Variants in FYB1 observed in about 807,000 individuals in gnomAD.
FYB1 encodes the protein FYN-binding protein 1.
A neutral mutation model predicts 94.1 loss-of-function variants in FYB1; 41 were observed. The ratio of observed to expected loss-of-function variants is 0.44; its 90% CI spans 0.34 to 0.57. The LOEUF (loss-of-function observed/expected upper bound fraction) is 0.57, where lower values mean the gene tolerates loss of function less well. Among genes scored for constraint, FYB1 ranks in the 20% least tolerant of loss-of-function variants. The pLI is 0.02. For missense variants in FYB1, 1,050 were observed against 976.8 expected (o/e 1.07, Z -1.00); for synonymous variants, 367 against 353.2 (o/e 1.04, Z -0.44).
intron 2 of FYB1, among the ~76,000 whole-genome samples, chr5:39,159,329 C>A (rs2150371027): frequency 6.6e-6 from 1 of 152,286 alleles, no homozygotes; most frequent in East Asian, 1.9e-4. Flanking sequence ...AGAAGAAAAG[C>A]TCTAGCAACT....
chr5:39,272,531 G>T (rs1357722453), intron 1 of FYB1, among the ~76,000 whole-genome samples: 3 of 151,294 alleles, frequency 2.0e-5, no homozygotes, highest in Non-Finnish European at 4.4e-5. Context: ...AATTAGCTGG[G>T]CCTAGTGGCG....
intron 5 of FYB1, chr5:39,138,928 A>AT (rs146717945): frequency 0.019 from 10,711 of 563,946 alleles, 901 homozygotes; most frequent in African/African-American, 0.18. Flanking sequence ...TATTTAAAAT[A>AT]TTTTTTTTCT....
At chr5:39,237,862 A>G (rs1349738133) in intron 1 of FYB1, among the ~76,000 whole-genome samples, 2 of 152,116 alleles carry the variant, frequency 1.3e-5, no homozygotes, top group Admixed American at 6.6e-5. Flanking sequence ...TATTTGGCTA[A>G]AGCATCACTC....
At chr5:39,137,548 G>A in intron 7 of FYB1, 52 bp downstream of exon 7, 1 of 1,509,496 alleles carries the variant, frequency 6.6e-7, no homozygotes, top group Non-Finnish European at 8.8e-7. Flanking sequence ...CCTTTTGTGT[G>A]AAAGGTATAA....
chr5:39,206,781 T>C (rs1467704497), intron 1 of FYB1, among the ~76,000 whole-genome samples: 1 of 152,224 alleles, frequency 6.6e-6, no homozygotes, highest in Non-Finnish European at 1.5e-5. Flanking sequence ...TGTATGTTGC[T>C]AACCGGTGCA....
chr5:39,264,562 T>A (rs1033652185), intron 1 of FYB1, among the ~76,000 whole-genome samples: 2 of 152,170 alleles, frequency 1.3e-5, no homozygotes, highest in African/African-American at 2.4e-5. Flanking sequence ...TCTCCAGCCA[T>A]CCTGGTCTTT....
intron 14 of FYB1, among the ~76,000 whole-genome samples, 166 bp downstream of exon 14, chr5:39,122,169 AG>A (rs1740181124): frequency 1.3e-5 from 2 of 152,120 alleles, no homozygotes; most frequent in Admixed American, 1.3e-4. Flanking sequence ...CAAACCTCGC[AG>A]GGAGGGTAGA....
intron 2 of FYB1, among the ~76,000 whole-genome samples, chr5:39,191,577 A>G (rs1196702798): frequency 6.6e-6 from 1 of 152,150 alleles, no homozygotes; most frequent in Non-Finnish European, 1.5e-5. Context: ...TCTACCTTTG[A>G]TATGCCAGAC....
chr5:39,178,960 G>A lies in FYB1; in HGVS notation c.1135+22866C>T, dbSNP rs115386987. 5.2e-3 allele frequency among the ~76,000 whole-genome samples: 785 copies of A among 152,234 alleles called. 6 individuals carry two copies. Among genetic ancestry groups the A allele is most frequent in the African/African-American group, 0.018 (759 of 41,520 alleles). ...ATCTTCTATCTAGCCCTGGCTTTCC[G>A]CGGGCTGGGGCACAGAAGAGTCCAT... On this transcript the variant is annotated intron_variant, in intron 2 of 18. Transcript: ENST00000512982.
At chr5:39,154,746 G>A (rs563277611) in intron 2 of FYB1, among the ~76,000 whole-genome samples, 20 of 151,696 alleles carry the variant, frequency 1.3e-4, no homozygotes, top group Non-Finnish European at 2.2e-4. Flanking sequence ...CATGCCCGCC[G>A]CTGTGCCCAT....
At chr5:39,243,611 C>G (rs558596260) in intron 1 of FYB1, among the ~76,000 whole-genome samples, 4 of 152,222 alleles carry the variant, frequency 2.6e-5, no homozygotes, top group African/African-American at 9.6e-5. Context: ...TTAGGATTGT[C>G]TTGGCAATGC....
chr5:39,176,313 G>A (rs1343595075), intron 2 of FYB1, among the ~76,000 whole-genome samples: 7 of 151,630 alleles, frequency 4.6e-5, no homozygotes. Context: ...ACCAGGCCCA[G>A]CTCATTTTTG....
rs116753884 is a variant in FYB1, at chr5:39,163,381, T to C, written c.1136-9777A>G. Among the ~76,000 whole-genome samples the C allele has an allele frequency of 2.2e-3, 332 of 152,312 alleles. 3 individuals are homozygous for C. Among genetic ancestry groups the C allele is most frequent in the African/African-American group, 7.2e-3 (301 of 41,576 alleles). ...TAATACTGAAACATCAATGTTTACA[T>C]AGATAATCAAAGCTGAAATTAGAAT... On this transcript the variant is annotated intron_variant, in intron 2 of 18. Coordinates refer to ENST00000512982, the MANE Select transcript of FYB1 (RefSeq NM_001465.6).
At chr5:39,112,556 C>A (rs908246501) in intron 16 of FYB1, among the ~76,000 whole-genome samples, 25 of 152,086 alleles carry the variant, frequency 1.6e-4, no homozygotes, top group African/African-American at 4.3e-4. Context: ...AATGTAATCA[C>A]CATTTTTAGA....
At chr5:39,170,729 A>G (rs1580451792) in intron 2 of FYB1, among the ~76,000 whole-genome samples, 1 of 152,142 alleles carries the variant, frequency 6.6e-6, no homozygotes, top group Admixed American at 6.5e-5. Flanking sequence ...TTATGGCTCC[A>G]ATTTCAATGT....
intron 1 of FYB1, among the ~76,000 whole-genome samples, chr5:39,215,711 C>T (rs1176228052): frequency 6.6e-6 from 1 of 152,154 alleles, no homozygotes; most frequent in Non-Finnish European, 1.5e-5. Context: ...ATTGGGGCAC[C>T]TTTTGGTGGA....
intron 16 of FYB1, among the ~76,000 whole-genome samples, chr5:39,117,192 C>G (rs1739654143): frequency 6.6e-6 from 1 of 152,028 alleles, no homozygotes; most frequent in Admixed American, 6.6e-5. Flanking sequence ...TTAAGTTTAG[C>G]TTCTCTTCTT....
At chr5:39,168,501 TG>T (rs1744943989) in intron 2 of FYB1, among the ~76,000 whole-genome samples, 1 of 152,212 alleles carries the variant, frequency 6.6e-6, no homozygotes, top group South Asian at 2.1e-4. Flanking sequence ...CCAAAGACCT[TG>T]GGTTGATCTA....
intron 6 of FYB1, 64 bp from the exon 7 acceptor site, chr5:39,137,784 C>A (rs1741790361): frequency 1.3e-6 from 2 of 1,540,270 alleles, no homozygotes; most frequent in Non-Finnish European, 1.7e-6. Context: ...GAACTCCCTA[C>A]CTAGAAGTTT....
Sources: gnomAD v4.1 joint callset for allele counts (sites outside exome capture counted in the v4.1 genomes callset) on GRCh38, gnomAD v4.1.1 for gene constraint, MANE v1.5 for transcripts, NCBI Gene and HGNC (gene_info 2026-07-23, HGNC 2026-07-21) for gene names.